PARP8: variants seen among roughly 807,000 people sequenced by gnomAD.
PARP8 encodes the protein poly(ADP-ribose) polymerase family member 8, also known as protein mono-ADP-ribosyltransferase PARP8.
In PARP8, 51 loss-of-function variants were observed where a neutral mutation model predicts 124.1. The ratio of observed to expected loss-of-function variants is 0.41; its 90% CI spans 0.33 to 0.52. PARP8 has a LOEUF of 0.52. PARP8 is among the 20% of genes least tolerant of loss of function. The probability of loss-of-function intolerance (pLI) is 0.21; values close to 1 mark genes in which losing one functional copy is unlikely to be tolerated. For synonymous variants in PARP8, 391 were observed against 361.5 expected (o/e 1.08, Z -0.93); for missense variants, 860 against 1,018.9 (o/e 0.84, Z 2.12).
chr5:50,782,556 T>C (rs1740788079), intron 9 of PARP8, among the ~76,000 whole-genome samples: 2 of 152,218 alleles, frequency 1.3e-5, no homozygotes, highest in African/African-American at 4.8e-5. Flanking sequence ...TTAGGATTAT[T>C]GCTAGCAAAT....
chr5:50,797,492 A>G (rs1469401031), intron 14 of PARP8, among the ~76,000 whole-genome samples: 6 of 152,222 alleles, frequency 3.9e-5, no homozygotes, highest in African/African-American at 1.4e-4. Context: ...ATCTACACCT[A>G]TATCAACGTT....
At chr5:50,708,016 A>G (rs139117548) in intron 2 of PARP8, among the ~76,000 whole-genome samples, 4 of 152,254 alleles carry the variant, frequency 2.6e-5, no homozygotes, top group East Asian at 1.9e-4. Flanking sequence ...CTGTTACACC[A>G]TAAGTATATA....
At position 50,710,803 on chromosome 5, in the gene PARP8, CTG is replaced by C. The variant is rs1279231593; in HGVS notation, c.147-39344_147-39343del. On this transcript the variant is annotated intron_variant, in intron 2 of 25. Coordinates refer to ENST00000281631, the MANE Select transcript of PARP8 (RefSeq NM_024615.4). The stretch of plus-strand genomic sequence containing the variant: ...TTGAAAAAGAACACAATTTTTGTTT[CTG>C]TGTCTGCAACCTACATATGTGATTG... Among the ~76,000 whole-genome samples the C allele has an allele frequency of 3.0e-4, 46 of 152,092 alleles. 1 individual carries two copies. Among genetic ancestry groups the C allele is most frequent in the Non-Finnish European group, 2.1e-4 (14 of 67,996 alleles).
In PARP8 at chr5:50,843,188, A is replaced by G. The variant is rs1167560549; in HGVS notation, c.*1120A>G. On this transcript the variant is annotated 3_prime_UTR_variant, in exon 26 of 26. Transcript: ENST00000281631. ...TCAGCATTTCCTTTTCAAGAGTCAT[A>G]ATTTCATCAAAATCATTTCTTATTC... The G allele has an allele frequency of 6.6e-6, 1 of 151,714 alleles. No homozygotes were observed. The highest frequency in any genetic ancestry group is 2.4e-5 in the African/African-American group (1 of 41,372). 9.4% of individuals were successfully genotyped at this position (151,714 alleles called of 1,614,324 possible).
chr5:50,739,142 C>G, intron 2 of PARP8: 1 of 696,374 alleles, frequency 1.4e-6, no homozygotes, highest in Non-Finnish European at 2.6e-6. Flanking sequence ...AACCAACAAC[C>G]ATTGAGGCCA....
chr5:50,757,449 T>C (rs766960425), intron 3 of PARP8, among the ~76,000 whole-genome samples: 2 of 152,156 alleles, frequency 1.3e-5, no homozygotes, highest in Non-Finnish European at 2.9e-5. Context: ...TGGGTCTATC[T>C]CTGTGATCTG....
At chr5:50,696,621 G>T (rs1753055748) in intron 2 of PARP8, among the ~76,000 whole-genome samples, 1 of 152,036 alleles carries the variant, frequency 6.6e-6, no homozygotes, top group African/African-American at 2.4e-5. Context: ...TTACTACTCT[G>T]ATAGGCCACC....
chr5:50,805,735 A>G (rs1743766358), intron 14 of PARP8, among the ~76,000 whole-genome samples: 1 of 152,122 alleles, frequency 6.6e-6, no homozygotes. Context: ...TTAAGAACAC[A>G]ATCATCTGTC....
chr5:50,690,511 G>A (rs1241084265), intron 2 of PARP8, among the ~76,000 whole-genome samples: 2 of 152,010 alleles, frequency 1.3e-5, no homozygotes, highest in East Asian at 3.9e-4. Flanking sequence ...TGAGGACTTT[G>A]GTGCCGAGTT....
chr5:50,797,009 C>T lies in PARP8; in HGVS notation c.1456C>T (p.Arg486Ter), dbSNP rs139519921. The change falls in exon 13 of 26, where the codon CGA becomes TGA. Residue 486 changes from arginine to a stop codon, truncating the protein, a stop_gained. Transcript: ENST00000281631. LOFTEE classifies it high-confidence loss of function. ...APNGAKCIPVRDRGFLVQTIE... is the reference protein window; with the variant it reads ...APNGAKCIPV Reference sequence around the variant, plus strand: ...AAATGGTGCAAAATGCATTCCAGTACGAGACCGTGGCTTCCTGGTGCAGGT... The same window carrying T: ...AAATGGTGCAAAATGCATTCCAGTATGAGACCGTGGCTTCCTGGTGCAGGT... 5 of 1,612,388 alleles carry T rather than the reference C, an allele frequency of 3.1e-6. No homozygotes were observed. Among genetic ancestry groups the T allele is most frequent in the Admixed American group, 1.7e-5 (1 of 59,926 alleles).
At chr5:50,748,808 A>C (rs1212170065) in intron 2 of PARP8, among the ~76,000 whole-genome samples, 1 of 152,102 alleles carries the variant, frequency 6.6e-6, no homozygotes, top group African/African-American at 2.4e-5. Context: ...ACCTAGGTGT[A>C]ATTTGCTTTG....
chr5:50,749,108 T>C (rs1391795741), intron 2 of PARP8, among the ~76,000 whole-genome samples: 1 of 152,208 alleles, frequency 6.6e-6, no homozygotes, highest in Non-Finnish European at 1.5e-5. Flanking sequence ...AACACTTGGA[T>C]CTTCTTTTCT....
chr5:50,704,828 G>C (rs1753967562), intron 2 of PARP8, among the ~76,000 whole-genome samples: 1 of 152,158 alleles, frequency 6.6e-6, no homozygotes, highest in African/African-American at 2.4e-5. Context: ...GGACAGTACT[G>C]CTTTAAAATA....
chr5:50,812,074 C>T (rs1422160067), intron 14 of PARP8, among the ~76,000 whole-genome samples: 1 of 152,142 alleles, frequency 6.6e-6, no homozygotes. Context: ...TTTAGAGTCG[C>T]ATGATTTATA....
At chr5:50,724,641 A>T (rs539835590) in intron 2 of PARP8, among the ~76,000 whole-genome samples, 16 of 151,642 alleles carry the variant, frequency 1.1e-4, no homozygotes, top group African/African-American at 3.6e-4. Context: ...GTTGTTTTTA[A>T]TTTTTTTTGG....
chr5:50,683,100 G>T (rs958577802), intron 2 of PARP8, among the ~76,000 whole-genome samples: 1 of 152,150 alleles, frequency 6.6e-6, no homozygotes, highest in African/African-American at 2.4e-5. Context: ...CCATCATGAA[G>T]CGAGTGAGAT....
At position 50,675,890 on chromosome 5, in the gene PARP8, C is replaced by T. The variant is rs528958384; in HGVS notation, c.146+7765C>T. The stretch of plus-strand genomic sequence containing the variant: ...TCAGTATTTTGTTTAGAGACTAGAA[C>T]TCCAACTCCTAGCCAACTGCCTAGA... On this transcript the variant is annotated intron_variant, in intron 2 of 25. Transcript: ENST00000281631. 8.5e-5 allele frequency among the ~76,000 whole-genome samples: 13 copies of T among 152,188 alleles called. No homozygotes were observed. The East Asian group carries it at 2.5e-3, about 29-fold the overall frequency.
intron 7 of PARP8, among the ~76,000 whole-genome samples, chr5:50,773,932 C>T (rs1157554497): frequency 6.6e-6 from 1 of 150,808 alleles, no homozygotes; most frequent in Middle Eastern, 3.2e-3. Flanking sequence ...AGAAGGTCAG[C>T]AGATAAACAC....
intron 3 of PARP8, among the ~76,000 whole-genome samples, chr5:50,758,872 A>C (rs1760243020): frequency 6.6e-6 from 1 of 152,220 alleles, no homozygotes; most frequent in Non-Finnish European, 1.5e-5. Flanking sequence ...GGAAACAAAT[A>C]GTGAATAAGA....
Sources: allele counts gnomAD v4.1 joint callset (sites outside exome capture counted in the v4.1 genomes callset), GRCh38; gene constraint gnomAD v4.1.1; transcripts MANE v1.5; gene names NCBI Gene and HGNC (gene_info 2026-07-23, HGNC 2026-07-21).